RPN2: variants seen among roughly 807,000 people sequenced by gnomAD.
RPN2 encodes dolichyl-diphosphooligosaccharide--protein glycosyltransferase subunit 2.
A neutral mutation model predicts 71.4 loss-of-function variants in RPN2; 29 were observed. The ratio of observed to expected loss-of-function variants is 0.41; its 90% CI spans 0.30 to 0.55. The LOEUF (loss-of-function observed/expected upper bound fraction) is 0.55, where lower values mean the gene tolerates loss of function less well. Ranked by LOEUF, RPN2 falls within the 20% of genes least tolerant of loss-of-function variation. The pLI is 0.35. For missense variants in RPN2, 726 were observed against 774.1 expected, an observed-to-expected ratio of 0.94 and a Z score of 0.74; for synonymous variants, 308 against 305.0, an observed-to-expected ratio of 1.01 and a Z score of -0.10.
chr20:37,193,137 A>G (rs773233213), intron 2 of RPN2, among the ~76,000 whole-genome samples: 20 of 152,256 alleles, frequency 1.3e-4, no homozygotes, highest in Non-Finnish European at 2.6e-4. Flanking sequence ...CAAAACAAAA[A>G]CAAAACAAAC....
intron 7 of RPN2, among the ~76,000 whole-genome samples, chr20:37,208,203 G>C (rs1455193956): frequency 1.3e-5 from 2 of 151,608 alleles, no homozygotes; most frequent in Non-Finnish European, 2.9e-5. Context: ...CTGGGAGGCA[G>C]AGGTTGCAGT....
At chr20:37,233,495 ACTGTTTAAAT>A (rs746105594) in intron 14 of RPN2, among the ~76,000 whole-genome samples, 10 of 152,258 alleles carry the variant, frequency 6.6e-5, no homozygotes, top group Non-Finnish European at 1.5e-4. Flanking sequence ...CAAAAGAATT[ACTGTTTAAAT>A]CTAGATAAAT....
chr20:37,200,278 A>G (rs566961133), intron 4 of RPN2, among the ~76,000 whole-genome samples: 1 of 152,142 alleles, frequency 6.6e-6, no homozygotes, highest in African/African-American at 2.4e-5. Flanking sequence ...CGTGAGCCAC[A>G]GCGCCCGGCT....
At chr20:37,180,940 G>A (rs1468958447) in intron 1 of RPN2, among the ~76,000 whole-genome samples, 1 of 152,090 alleles carries the variant, frequency 6.6e-6, no homozygotes, top group East Asian at 1.9e-4. Flanking sequence ...GAACTTTCCA[G>A]TGGTCTCCAG....
intron 13 of RPN2, among the ~76,000 whole-genome samples, 185 bp from the exon 14 acceptor site, chr20:37,232,111 C>G (rs1261310264): frequency 6.6e-6 from 1 of 152,160 alleles, no homozygotes; most frequent in African/African-American, 2.4e-5. Flanking sequence ...AGGGAGACCT[C>G]TGGGATCAAA....
intron 13 of RPN2, among the ~76,000 whole-genome samples, chr20:37,231,631 G>C (rs748163641): frequency 2.6e-5 from 4 of 151,838 alleles, no homozygotes; most frequent in African/African-American, 9.7e-5. Flanking sequence ...AGGATCTTTT[G>C]AGCCCAGGTG....
At position 37,235,321 on chromosome 20, in the gene RPN2, G is replaced by A. The variant is rs779216737; in HGVS notation, c.1753+1226G>A. On this transcript the variant is annotated intron_variant, in intron 15 of 16. Coordinates refer to ENST00000237530, the MANE Select transcript of RPN2 (RefSeq NM_002951.5). ...CCTGAATATAAATCTGTTGAGAGCC[G>A]TGGCTTTTCCTGCCATTGTGCTTTT... Among the ~76,000 whole-genome samples the A allele has an allele frequency of 8.3e-4, 127 of 152,276 alleles. 1 individual carries two copies. Among genetic ancestry groups the A allele is most frequent in the Non-Finnish European group, 1.0e-3 (69 of 68,024 alleles).
intron 9 of RPN2, among the ~76,000 whole-genome samples, chr20:37,221,777 T>A (rs1412043630): frequency 6.6e-6 from 1 of 152,244 alleles, no homozygotes; most frequent in Non-Finnish European, 1.5e-5. Context: ...ATTGGAGGGC[T>A]GCTAAGCCCA....
chr20:37,236,762 C>T, intron 16 of RPN2, 53 bp downstream of exon 16: 1 of 1,575,124 alleles, frequency 6.3e-7, no homozygotes, highest in Non-Finnish European at 8.7e-7. Flanking sequence ...ATACTCAGCT[C>T]TGCCGGCCTA....
At chr20:37,200,059 A>G (rs1358487740) in intron 4 of RPN2, among the ~76,000 whole-genome samples, 1 of 151,188 alleles carries the variant, frequency 6.6e-6, no homozygotes, top group African/African-American at 2.4e-5. Flanking sequence ...CAGTGACGCG[A>G]TCTCAGTTCA....
At chr20:37,239,327 T>C (rs2068489574) in intron 16 of RPN2, among the ~76,000 whole-genome samples, 2 of 152,180 alleles carry the variant, frequency 1.3e-5, no homozygotes, top group African/African-American at 4.8e-5. Context: ...GGATTTGGCC[T>C]GAGTGGCACA....
intron 6 of RPN2, 66 bp from the exon 7 acceptor site, chr20:37,207,207 A>T (rs2067531842): frequency 1.9e-5 from 25 of 1,305,566 alleles, no homozygotes; most frequent in Non-Finnish European, 2.4e-5. Context: ...ACTTTCCTCT[A>T]CAGCAGTGGC....
chr20:37,208,559 T>A (rs577362245), intron 7 of RPN2, among the ~76,000 whole-genome samples: 119 of 152,302 alleles, frequency 7.8e-4, no homozygotes, highest in Non-Finnish European at 1.4e-3. Context: ...AATTCTCAAT[T>A]AATTCTGGTG....
intron 2 of RPN2, among the ~76,000 whole-genome samples, chr20:37,196,433 C>T (rs943754136): frequency 6.6e-6 from 1 of 152,160 alleles, no homozygotes; most frequent in Non-Finnish European, 1.5e-5. Context: ...TGGGGTTTCA[C>T]CGTGTTAGCC....
rs1444538087 is a variant in RPN2, at chr20:37,201,245, TC to T, written c.479+2022del. Among the ~76,000 whole-genome samples, 6 of 149,968 alleles carry T rather than the reference TC, an allele frequency of 4.0e-5. No homozygotes were observed. In the East Asian group the frequency reaches 1.2e-3, roughly 29 times the overall value. ...CCCCCTTCTTAGAGAGTTTGTTACT[TC>T]CTTCGTTGTTGTTATTTGTATGTTA... On this transcript the variant is annotated intron_variant, in intron 4 of 16. Transcript: ENST00000237530.
chr20:37,205,061 A>T (rs979003642), intron 6 of RPN2, among the ~76,000 whole-genome samples, 160 bp downstream of exon 6: 2 of 152,202 alleles, frequency 1.3e-5, no homozygotes, highest in Non-Finnish European at 2.9e-5. Flanking sequence ...GAAAGATGTA[A>T]TGCCTGTCTT....
intron 7 of RPN2, among the ~76,000 whole-genome samples, chr20:37,207,828 C>T (rs978336783): frequency 2.0e-5 from 3 of 152,040 alleles, no homozygotes; most frequent in Non-Finnish European, 4.4e-5. Flanking sequence ...ATCACAGGCG[C>T]ACACCACCAT....
At chr20:37,218,524 A>G (rs890248209) in intron 9 of RPN2, among the ~76,000 whole-genome samples, 1 of 148,520 alleles carries the variant, frequency 6.7e-6, no homozygotes, top group African/African-American at 2.5e-5. Flanking sequence ...CCTGGTCAGC[A>G]TGGGGAAACC....
rs761384863 is a variant in RPN2, at chr20:37,213,798, C to T, written c.1025C>T (p.Ser342Phe). 6.8e-6 allele frequency: 11 copies of T among 1,613,944 alleles called. No homozygotes were observed. In the Admixed American group the frequency reaches 1.8e-4, roughly 27 times the overall value. ...FELNFMNVKF[S>F]SGYYDFLVEV... ...CTAAATTTCATGAACGTCAAATTTT[C>T]CAGTGGTTATTATGACTTCCTTGTC... Residue 342 changes from serine (S) to phenylalanine (F), a missense_variant, in exon 9 of 17, where the codon TCC (serine) becomes TTC (phenylalanine). Physicochemically the swap from Ser to Phe is radical, Grantham distance 155. Coordinates refer to ENST00000237530, the MANE Select transcript of RPN2 (RefSeq NM_002951.5).
Sources: gnomAD v4.1 joint callset for allele counts (sites outside exome capture counted in the v4.1 genomes callset) on GRCh38, gnomAD v4.1.1 for gene constraint, MANE v1.5 for transcripts, NCBI Gene and HGNC (gene_info 2026-07-23, HGNC 2026-07-21) for gene names.